The following XPO4 variants were observed in gnomAD, a reference collection of about 807,000 sequenced individuals.
XPO4 encodes exportin-4.
In XPO4, 39 loss-of-function variants were observed where a neutral mutation model predicts 143.0. That is an observed-to-expected ratio of 0.27 (90% CI 0.21 to 0.36). The LOEUF (loss-of-function observed/expected upper bound fraction) is 0.36. XPO4 is among the 10% of genes least tolerant of loss of function. The probability of loss-of-function intolerance (pLI) is 1.00; values close to 1 mark genes in which losing one functional copy is unlikely to be tolerated. For synonymous variants in XPO4, 439 were observed against 474.0 expected (o/e 0.93, Z 0.96); for missense variants, 907 against 1,348.0 (o/e 0.67, Z 5.12).
Position 20,809,173 on chromosome 13 carries a change from T to A in XPO4, c.1403A>T (p.Glu468Val). 1 of 1,614,174 alleles carries A rather than the reference T, an allele frequency of 6.2e-7. No homozygotes were observed. The highest frequency in any genetic ancestry group is 1.1e-5 in the South Asian group (1 of 91,086). ...REEEEISELQ[E>V]DDRDQFSDQL... ...ATCAGAAAACTGGTCTCGATCATCC[T>A]CTTGAAGTTCACTTATTTCTTCCTC... Residue 468 changes from glutamate to valine, a missense_variant, in exon 11 of 23, where the codon GAG (glutamate) becomes GTG (valine). By Grantham distance (121) the Glu-to-Val change is moderately radical (BLOSUM62 -2). Coordinates refer to ENST00000255305, the MANE Select transcript of XPO4 (RefSeq NM_022459.5).
chr13:20,805,785 C>T (rs58480270), intron 13 of XPO4, among the ~76,000 whole-genome samples: 3,163 of 152,292 alleles, frequency 0.021, 84 homozygotes, highest in Middle Eastern at 0.075. Context: ...CTCCCTGTTA[C>T]GTTGTCAGCA....
intron 12 of XPO4, 93 bp downstream of exon 12, chr13:20,808,343 T>G (rs2059533943): frequency 7.7e-7 from 1 of 1,302,654 alleles, no homozygotes; most frequent in African/African-American, 1.5e-5. Flanking sequence ...TCCAATATTA[T>G]ATATACACTA....
At chr13:20,896,427 T>C (rs1005990126) in intron 1 of XPO4, among the ~76,000 whole-genome samples, 4 of 152,216 alleles carry the variant, frequency 2.6e-5, no homozygotes, top group Admixed American at 2.6e-4. Context: ...ATAAGCTGTA[T>C]CATGTTCTTC....
chr13:20,849,576 T>A (rs1477962018), intron 4 of XPO4: 1 of 985,222 alleles, frequency 1.0e-6, no homozygotes, highest in African/African-American at 1.7e-5. Flanking sequence ...CAAACTGAGA[T>A]GAAATAACCA....
At chr13:20,887,691 C>T (rs561696181) in intron 1 of XPO4, among the ~76,000 whole-genome samples, 10 of 151,774 alleles carry the variant, frequency 6.6e-5, no homozygotes, top group African/African-American at 2.4e-4. Flanking sequence ...CTCATCTCTA[C>T]TCAAAATAAA....
At chr13:20,869,093 G>A (rs777135655) in intron 1 of XPO4, among the ~76,000 whole-genome samples, 9 of 151,866 alleles carry the variant, frequency 5.9e-5, no homozygotes, top group South Asian at 2.1e-4. Context: ...TCAATACTGG[G>A]GATATTGAAT....
At chr13:20,870,089 C>CAAAAAAAAAAAAAAAAAAAAAAA (rs59710121) in intron 1 of XPO4, among the ~76,000 whole-genome samples, 3 of 98,902 alleles carry the variant, frequency 3.0e-5, no homozygotes, top group African/African-American at 1.3e-4. Flanking sequence ...GAAGGAGTCT[C>CAAAAAAAAAAAAAAAAAAAAAAA]AAAAAAAAAA....
At chr13:20,862,608 G>A (rs1196152272) in intron 3 of XPO4, 109 bp downstream of exon 3, 4 of 1,369,388 alleles carry the variant, frequency 2.9e-6, no homozygotes, top group East Asian at 2.3e-5. Flanking sequence ...TTATAGGTGT[G>A]AGCCACTATA....
intron 5 of XPO4, 28 bp from the exon 6 acceptor site, chr13:20,843,076 A>G (rs376874601): frequency 3.7e-5 from 57 of 1,553,814 alleles, no homozygotes; most frequent in Middle Eastern, 3.4e-4. Context: ...CAAATATTTT[A>G]TATGAAAAAT....
chr13:20,846,660 A>AG (rs374176451), intron 4 of XPO4, among the ~76,000 whole-genome samples: 13 of 152,232 alleles, frequency 8.5e-5, no homozygotes, highest in African/African-American at 2.9e-4. Context: ...CTTCTATCTT[A>AG]GAAAAACTAG....
At chr13:20,870,361 A>G (rs2060283900) in intron 1 of XPO4, among the ~76,000 whole-genome samples, 1 of 151,520 alleles carries the variant, frequency 6.6e-6, no homozygotes, top group Admixed American at 6.6e-5. Context: ...GAACCCAGGC[A>G]GCAGAGGTTG....
intron 19 of XPO4, 94 bp downstream of exon 19, chr13:20,790,368 C>T: frequency 4.0e-6 from 4 of 1,005,208 alleles, no homozygotes; most frequent in East Asian, 2.4e-5. Flanking sequence ...GCAGATACAA[C>T]TACTAAATTA....
chr13:20,834,101 C>T (rs1450189883), intron 6 of XPO4, among the ~76,000 whole-genome samples: 1 of 152,080 alleles, frequency 6.6e-6, no homozygotes, highest in East Asian at 1.9e-4. Flanking sequence ...TAACATCTAC[C>T]AAATCACAGA....
Position 20,843,035 on chromosome 13 carries a change from C to A in XPO4, c.587G>T (p.Arg196Leu), listed in dbSNP as rs375624678. Residue 196 changes from arginine to leucine, a missense_variant, in exon 6 of 23, where the codon CGT becomes CTT. Coordinates refer to ENST00000255305, the MANE Select transcript of XPO4 (RefSeq NM_022459.5). Reference sequence around the variant, plus strand: ...TTCAACAGTTAACATGAAGATCTGACGAAGGTCTTCTTCCTATAGTCAATA... The same window carrying A: ...TTCAACAGTTAACATGAAGATCTGAAGAAGGTCTTCTTCCTATAGTCAATA... ...CKRVFQEEDL[R>L]QIFMLTVEVL... The A allele has an allele frequency of 6.2e-7, 1 of 1,609,996 alleles. No individual in the cohort carries two copies. The highest frequency in any genetic ancestry group is 8.5e-7 in the Non-Finnish European group (1 of 1,177,642).
At chr13:20,834,361 T>C (rs2059890546) in intron 6 of XPO4, among the ~76,000 whole-genome samples, 2 of 151,992 alleles carry the variant, frequency 1.3e-5, no homozygotes, top group African/African-American at 4.8e-5. Flanking sequence ...CAATTTACAA[T>C]TGAATAATAA....
chr13:20,783,669 C>G lies in XPO4; in HGVS notation c.*53G>C. The G allele has an allele frequency of 1.3e-6, 2 of 1,587,360 alleles. No homozygotes were observed. The highest frequency in any genetic ancestry group is 1.7e-6 in the Non-Finnish European group (2 of 1,156,426). On this transcript the variant is annotated 3_prime_UTR_variant, in exon 23 of 23. Transcript: ENST00000255305. ...GGACAAGACTCAAGTCAACTTTCAG[C>G]AATTCAGTGCACTTTGCAGAAAGGA...
intron 1 of XPO4, among the ~76,000 whole-genome samples, chr13:20,881,376 C>A (rs2060408247): frequency 1.3e-5 from 2 of 152,068 alleles, no homozygotes; most frequent in Non-Finnish European, 2.9e-5. Flanking sequence ...TCATGCCATT[C>A]TCCTGCCTCA....
intron 4 of XPO4, among the ~76,000 whole-genome samples, chr13:20,855,356 G>A (rs2060132709): frequency 6.6e-6 from 1 of 151,744 alleles, no homozygotes; most frequent in Admixed American, 6.6e-5. Context: ...TTGGGAGGCT[G>A]AGGCAAGAGA....
At chr13:20,868,543 A>G in intron 2 of XPO4, 53 bp downstream of exon 2, 1 of 1,574,964 alleles carries the variant, frequency 6.3e-7, no homozygotes, top group Non-Finnish European at 8.6e-7. Context: ...TAAGACAGCA[A>G]ACCCAGATCT....
Sources: allele counts gnomAD v4.1 joint callset (sites outside exome capture counted in the v4.1 genomes callset), GRCh38; gene constraint gnomAD v4.1.1; transcripts MANE v1.5; gene names NCBI Gene and HGNC (gene_info 2026-07-23, HGNC 2026-07-21).